OXR1: variants seen among roughly 807,000 people sequenced by gnomAD.
The protein encoded by OXR1 is oxidation resistance 1, also known as oxidation resistance protein 1.
OXR1 carries 41 observed loss-of-function variants against 104.6 expected under a neutral mutation model. The observed-to-expected ratio is 0.39, with a 90% CI of 0.31 to 0.51. The LOEUF (loss-of-function observed/expected upper bound fraction) is 0.51, where lower values mean the gene tolerates loss of function less well. Ranked by LOEUF, OXR1 falls within the 20% of genes least tolerant of loss-of-function variation. The pLI is 0.77. For synonymous variants in OXR1, 348 were observed against 348.4 expected (o/e 1.00, Z 0.01); for missense variants, 955 against 1,031.9 (o/e 0.93, Z 1.02).
intron 1 of OXR1, among the ~76,000 whole-genome samples, chr8:106,289,097 C>T (rs1453879437): frequency 6.6e-6 from 1 of 152,086 alleles, no homozygotes; most frequent in South Asian, 2.1e-4. Flanking sequence ...GGAAGCATTC[C>T]CCTTAAGAAC....
chr8:106,689,827 C>T lies in OXR1; in HGVS notation c.526-2901C>T, dbSNP rs138078801. On this transcript the variant is annotated intron_variant, in intron 6 of 16. Coordinates refer to ENST00000517566, the MANE Select transcript of OXR1 (RefSeq NM_001198533.2). ...ATCTTGAAGTGGTATGCCTGTATAC[C>T]TGAAAATAGACATTAATTACAAGTA... 1.6e-4 allele frequency among the ~76,000 whole-genome samples: 25 copies of T among 151,592 alleles called. No individual in the cohort carries two copies. The East Asian group carries it at 4.8e-3, about 29-fold the overall frequency.
At chr8:106,291,979 G>A (rs1323305817) in intron 1 of OXR1, among the ~76,000 whole-genome samples, 1 of 152,080 alleles carries the variant, frequency 6.6e-6, no homozygotes, top group East Asian at 1.9e-4. Context: ...GGGGATTATG[G>A]GAGCTACAAT....
chr8:106,744,215 GA>G (rs1835190317), intron 15 of OXR1, among the ~76,000 whole-genome samples: 2 of 151,766 alleles, frequency 1.3e-5, no homozygotes, highest in Admixed American at 6.6e-5. Flanking sequence ...AAAGTTAAAG[GA>G]AAAAAAAGAG....
chr8:106,579,739 A>G (rs1207029338), intron 3 of OXR1, among the ~76,000 whole-genome samples: 4 of 151,420 alleles, frequency 2.6e-5, no homozygotes, highest in Non-Finnish European at 5.9e-5. Context: ...TTCTGGTCCC[A>G]CTTTTTTTTT....
chr8:106,607,720 G>C (rs1820505967), intron 3 of OXR1, among the ~76,000 whole-genome samples: 1 of 152,180 alleles, frequency 6.6e-6, no homozygotes, highest in Non-Finnish European at 1.5e-5. Context: ...GCCAGACATT[G>C]TGCTTAGACA....
chr8:106,619,891 C>T (rs564309265), intron 3 of OXR1, among the ~76,000 whole-genome samples: 29 of 152,068 alleles, frequency 1.9e-4, no homozygotes, highest in Non-Finnish European at 3.8e-4. Context: ...TCTTACCCCT[C>T]CCCAGCCCAT....
chr8:106,430,325 T>A (rs1159493093), intron 2 of OXR1, among the ~76,000 whole-genome samples: 1 of 152,210 alleles, frequency 6.6e-6, no homozygotes, highest in African/African-American at 2.4e-5. Flanking sequence ...ATGTTTATCC[T>A]GTGCTTTCTT....
chr8:106,591,745 T>C (rs1819110258), intron 3 of OXR1, among the ~76,000 whole-genome samples: 1 of 152,024 alleles, frequency 6.6e-6, no homozygotes, highest in Admixed American at 6.5e-5. Flanking sequence ...TTGGATGAAA[T>C]AAGAAACCAA....
In OXR1 at chr8:106,360,308, C is replaced by T. The variant is rs972271125; in HGVS notation, c.23+672C>T. Among the ~76,000 whole-genome samples, 7 of 152,006 alleles carry T rather than the reference C, an allele frequency of 4.6e-5. No homozygotes were observed. In the East Asian group the frequency reaches 5.8e-4, roughly 13 times the overall value. The stretch of plus-strand genomic sequence containing the variant: ...ATTGAACTTTGACTTTTTTATATAA[C>T]GAGATGAGTAAGTGACATTTATATA... On this transcript the variant is annotated intron_variant, in intron 2 of 16. Coordinates refer to ENST00000517566, the MANE Select transcript of OXR1 (RefSeq NM_001198533.2).
intron 2 of OXR1, among the ~76,000 whole-genome samples, chr8:106,486,398 G>A (rs1273842785): frequency 1.3e-5 from 2 of 152,064 alleles, no homozygotes; most frequent in Admixed American, 6.6e-5. Context: ...TATTCTCTCA[G>A]ATATGACCTT....
intron 3 of OXR1, among the ~76,000 whole-genome samples, chr8:106,633,638 A>G (rs1822892637): frequency 6.6e-6 from 1 of 152,194 alleles, no homozygotes; most frequent in Non-Finnish European, 1.5e-5. Context: ...GCTTCTTTTG[A>G]AAGGTGGCTC....
At chr8:106,691,623 TA>T in intron 6 of OXR1, among the ~76,000 whole-genome samples, 1 of 139,780 alleles carries the variant, frequency 7.2e-6, no homozygotes, top group East Asian at 2.1e-4. Flanking sequence ...TATATACATA[TA>T]TATATATATA....
intron 1 of OXR1, among the ~76,000 whole-genome samples, chr8:106,330,524 T>A (rs1218735323): frequency 6.6e-6 from 1 of 152,212 alleles, no homozygotes; most frequent in Non-Finnish European, 1.5e-5. Context: ...AAAGAAATCA[T>A]GTTTATTTCT....
At chr8:106,660,862 A>T (rs533452089) in intron 3 of OXR1, among the ~76,000 whole-genome samples, 1 of 152,126 alleles carries the variant, frequency 6.6e-6, no homozygotes, top group East Asian at 1.9e-4. Flanking sequence ...AAAATACAAA[A>T]ATTAGCTGGG....
rs552378809 is a variant in OXR1 at position 106,443,553 on chromosome 8, A to G, written c.24-75390A>G. ...ATTGTGTGGGAGTCTAAGTCTCTTT[A>G]TAGGTCTCTAAGAACTTGTTTTATA... On this transcript the variant is annotated intron_variant, in intron 2 of 16. Coordinates refer to ENST00000517566, the MANE Select transcript of OXR1 (RefSeq NM_001198533.2). Among the ~76,000 whole-genome samples the G allele has an allele frequency of 6.6e-5, 10 of 152,222 alleles. No individual in the cohort carries two copies. The East Asian group carries it at 1.4e-3, about 21-fold the overall frequency.
chr8:106,675,985 A>G (rs1209210393), intron 3 of OXR1, among the ~76,000 whole-genome samples: 1 of 152,114 alleles, frequency 6.6e-6, no homozygotes, highest in Non-Finnish European at 1.5e-5. Flanking sequence ...TTGTGTGCAT[A>G]TATATATCTA....
chr8:106,432,674 C>T (rs1789977), intron 2 of OXR1, among the ~76,000 whole-genome samples: 42,158 of 151,826 alleles, frequency 0.28, 6,075 homozygotes, highest in South Asian at 0.36. Flanking sequence ...TTACTGCTAC[C>T]TGGTAGAATT....
chr8:106,503,588 G>T (rs1327936856), intron 2 of OXR1, among the ~76,000 whole-genome samples: 5 of 152,154 alleles, frequency 3.3e-5, no homozygotes, highest in African/African-American at 7.2e-5. Flanking sequence ...ACAAACCAAA[G>T]AGCTTGGGGG....
At chr8:106,728,974 G>A (rs1195184428) in intron 11 of OXR1, among the ~76,000 whole-genome samples, 1 of 152,048 alleles carries the variant, frequency 6.6e-6, no homozygotes, top group Non-Finnish European at 1.5e-5. Context: ...TTTGTATGTC[G>A]AATTGTTTAC....
Sources: gnomAD v4.1 joint callset for allele counts (sites outside exome capture counted in the v4.1 genomes callset) on GRCh38, gnomAD v4.1.1 for gene constraint, MANE v1.5 for transcripts, NCBI Gene and HGNC (gene_info 2026-07-23, HGNC 2026-07-21) for gene names.